The following GRM5 variants were observed in gnomAD, a reference collection of about 807,000 sequenced individuals.
GRM5 encodes the protein metabotropic glutamate receptor 5.
Under a neutral mutation model 83.1 loss-of-function variants are expected in GRM5, and 19 were observed. The observed-to-expected ratio is 0.23, with a 90% CI of 0.16 to 0.34. The LOEUF (loss-of-function observed/expected upper bound fraction) is 0.34. Among genes scored for constraint, GRM5 ranks in the 10% least tolerant of loss-of-function variants. The pLI is 1.00. For missense variants in GRM5, 1,160 were observed against 1,588.3 expected (o/e 0.73, Z 4.58); for synonymous variants, 675 against 633.6 (o/e 1.07, Z -0.98).
chr11:89,047,233 C>T lies in GRM5; in HGVS notation c.640G>A (p.Val214Ile). The change falls in exon 2 of 10, where the codon GTA becomes ATA. Residue 214 changes from valine to isoleucine, a missense_variant. Val to Ile is a conservative substitution (Grantham distance 29). Transcript: ENST00000305447. The surrounding 1 kb of genome is among the most constrained non-coding windows in gnomAD (Gnocchi z 5.1). ...DIVKRYNWTYVSAVHTEGNYG... is the reference protein window; with the variant it reads ...DIVKRYNWTYISAVHTEGNYG... ...TTACCTTCTGTGTGCACGGCTGATA[C>T]ATAGGTCCAGTTGTACCTCTTCACT... 1.2e-6 allele frequency: 2 copies of T among 1,612,168 alleles called. No individual in the cohort carries two copies. Among genetic ancestry groups the T allele is most frequent in the Non-Finnish European group, 1.7e-6 (2 of 1,178,556 alleles).
intron 3 of GRM5, among the ~76,000 whole-genome samples, chr11:88,785,590 T>C (rs777529316): frequency 6.6e-6 from 1 of 152,052 alleles, no homozygotes; most frequent in African/African-American, 2.4e-5. Context: ...AAAAACATGA[T>C]AGAAGATGAT....
At chr11:88,802,410 G>T (rs1943414394) in intron 3 of GRM5, among the ~76,000 whole-genome samples, 1 of 152,044 alleles carries the variant, frequency 6.6e-6, no homozygotes, top group South Asian at 2.1e-4. Context: ...GAAACTAGAG[G>T]TCATTATAAT....
intron 1 of GRM5, among the ~76,000 whole-genome samples, chr11:89,053,877 C>G (rs1565353616): frequency 6.6e-6 from 1 of 152,050 alleles, no homozygotes; most frequent in Non-Finnish European, 1.5e-5. Flanking sequence ...AATACAAAGC[C>G]CCTAAGACAG....
intron 8 of GRM5, among the ~76,000 whole-genome samples, chr11:88,537,440 G>C (rs1332610084): frequency 6.6e-6 from 1 of 152,120 alleles, no homozygotes; most frequent in Non-Finnish European, 1.5e-5. Context: ...AAGACAGACA[G>C]GGACGAGATG....
At chr11:88,825,229 C>CTTTTT (rs570503924) in intron 3 of GRM5, among the ~76,000 whole-genome samples, 5 of 143,592 alleles carry the variant, frequency 3.5e-5, no homozygotes, top group African/African-American at 1.0e-4. Context: ...GGATCCTGAA[C>CTTTTT]TTTTTTTTTT....
rs192369474 is a variant in GRM5, at chr11:88,605,750, C to T, written c.1148-786G>A. Among the ~76,000 whole-genome samples the T allele has an allele frequency of 1.1e-3, 174 of 152,196 alleles. 1 individual carries two copies. In the Middle Eastern group the frequency reaches 0.014, roughly 12 times the overall value. On this transcript the variant is annotated intron_variant, in intron 4 of 9. Transcript: ENST00000305447. Reference sequence around the variant, plus strand: ...CCCAAAGGAGTGAGAAATATCCCTTCCAATAGAAGGTTCTTGGGAACTAAG... The same window carrying T: ...CCCAAAGGAGTGAGAAATATCCCTTTCAATAGAAGGTTCTTGGGAACTAAG...
chr11:88,826,127 G>A (rs545431400), intron 3 of GRM5, among the ~76,000 whole-genome samples: 8 of 152,024 alleles, frequency 5.3e-5, no homozygotes, highest in Non-Finnish European at 8.8e-5. Context: ...ATGGTAGTTC[G>A]CAGAGACCAT....
At chr11:88,600,286 C>T (rs1193843006) in intron 5 of GRM5, among the ~76,000 whole-genome samples, 1 of 146,922 alleles carries the variant, frequency 6.8e-6, no homozygotes, top group Non-Finnish European at 1.5e-5. Context: ...CCTTCTCCCT[C>T]TCCCCCACCC....
chr11:88,984,562 C>A, intron 2 of GRM5: 2 of 445,342 alleles, frequency 4.5e-6, no homozygotes, highest in South Asian at 6.1e-5. Context: ...GTATATTATG[C>A]AGCTAATTAG....
intron 8 of GRM5, among the ~76,000 whole-genome samples, chr11:88,538,615 T>A (rs1421760272): frequency 1.3e-5 from 2 of 152,194 alleles, no homozygotes; most frequent in African/African-American, 4.8e-5. Context: ...TTTCCTCACA[T>A]TTTTATACAT....
chr11:88,844,707 G>C (rs1432612965), intron 3 of GRM5, among the ~76,000 whole-genome samples: 3 of 152,196 alleles, frequency 2.0e-5, no homozygotes, highest in African/African-American at 4.8e-5. Context: ...TGAGTCATGA[G>C]AGAAGGTAAA....
intron 3 of GRM5, among the ~76,000 whole-genome samples, chr11:88,751,427 G>C (rs1468067768): frequency 6.6e-6 from 1 of 152,070 alleles, no homozygotes; most frequent in Non-Finnish European, 1.5e-5. Flanking sequence ...TCCCTGAATA[G>C]ACTAATAATG....
chr11:88,930,714 A>T (rs1937675734), intron 2 of GRM5, among the ~76,000 whole-genome samples: 1 of 151,820 alleles, frequency 6.6e-6, no homozygotes, highest in African/African-American at 2.4e-5. Context: ...CGCCCAGCTA[A>T]TTTTTTGTAT....
intron 2 of GRM5, among the ~76,000 whole-genome samples, chr11:89,027,552 T>G (rs1435384651): frequency 2.6e-5 from 4 of 152,182 alleles, no homozygotes; most frequent in African/African-American, 9.7e-5. Flanking sequence ...ACTTCTACAT[T>G]AAGTAAAAAA....
intron 2 of GRM5, among the ~76,000 whole-genome samples, chr11:88,988,572 G>T (rs1246981835): frequency 6.6e-6 from 1 of 151,288 alleles, no homozygotes; most frequent in Non-Finnish European, 1.5e-5. Context: ...ATTCACCAAA[G>T]TTGAAATGAA....
intron 2 of GRM5, among the ~76,000 whole-genome samples, chr11:88,869,818 AAG>A (rs1458633937): frequency 6.6e-6 from 1 of 151,610 alleles, no homozygotes; most frequent in Non-Finnish European, 1.5e-5. Flanking sequence ...CTCTATAAAA[AAG>A]AGGGGAAATT....
At chr11:88,886,871 G>A (rs1156913733) in intron 2 of GRM5, among the ~76,000 whole-genome samples, 5 of 152,120 alleles carry the variant, frequency 3.3e-5, no homozygotes, top group Admixed American at 6.5e-5. Flanking sequence ...AGTAACCAGC[G>A]ATATAGCTCA....
intron 3 of GRM5, among the ~76,000 whole-genome samples, chr11:88,662,831 C>T (rs1255101127): frequency 6.6e-6 from 1 of 152,100 alleles, no homozygotes; most frequent in Admixed American, 6.6e-5. Context: ...CAAGCCTACA[C>T]CCACAGACCA....
chr11:89,016,096 T>C (rs1051329737), intron 2 of GRM5, among the ~76,000 whole-genome samples: 4 of 152,036 alleles, frequency 2.6e-5, no homozygotes, highest in South Asian at 2.1e-4. Context: ...CAAAAATTTA[T>C]TTTAGTGCTG....
Sources: allele counts gnomAD v4.1 joint callset (sites outside exome capture counted in the v4.1 genomes callset), GRCh38; gene constraint gnomAD v4.1.1; non-coding constraint Gnocchi (gnomAD v3.1); transcripts MANE v1.5; gene names NCBI Gene and HGNC (gene_info 2026-07-23, HGNC 2026-07-21).